Variants in DEPTOR observed in about 807,000 individuals in gnomAD.
DEPTOR encodes the protein DEP domain containing MTOR interacting protein.
In DEPTOR, 41 loss-of-function variants were observed where a neutral mutation model predicts 41.6. That is an observed-to-expected ratio of 0.98 (90% CI 0.77 to 1.28). The LOEUF is 1.28. DEPTOR is among the 50% of genes most tolerant of loss of function. DEPTOR has a pLI of 0.00. For synonymous variants in DEPTOR, 195 were observed against 192.3 expected (o/e 1.01, Z -0.12); for missense variants, 514 against 527.9 (o/e 0.97, Z 0.26).
intron 4 of DEPTOR, among the ~76,000 whole-genome samples, chr8:119,994,274 C>T (rs1218050362): frequency 6.6e-6 from 1 of 152,162 alleles, no homozygotes; most frequent in East Asian, 1.9e-4. Flanking sequence ...CAAAATCGCA[C>T]CACTCTGGAT....
intron 1 of DEPTOR, among the ~76,000 whole-genome samples, chr8:119,923,893 C>CTTTTCTTTTTTTTTTTTTTTTTTTTTTTT (rs1554673843): frequency 9.5e-6 from 1 of 104,980 alleles, no homozygotes; most frequent in African/African-American, 3.0e-5. Flanking sequence ...TTTTTTCTTT[C>CTTTTCTTTTTTTTTTTTTTTTTTTTTTTT]TTTTTTTTTT....
intron 1 of DEPTOR, among the ~76,000 whole-genome samples, chr8:119,880,312 C>T (rs1827283432): frequency 6.6e-6 from 1 of 152,090 alleles, no homozygotes; most frequent in Non-Finnish European, 1.5e-5. Flanking sequence ...TATGGTAATG[C>T]CTTTAATCTT....
At chr8:119,985,326 T>TC (rs1828815444) in intron 4 of DEPTOR, among the ~76,000 whole-genome samples, 1 of 152,204 alleles carries the variant, frequency 6.6e-6, no homozygotes, top group Non-Finnish European at 1.5e-5. Flanking sequence ...GCTTTTTTTT[T>TC]CATGTTTGTT....
chr8:119,980,160 C>CAAA (rs548586298), intron 4 of DEPTOR, among the ~76,000 whole-genome samples: 1,847 of 115,580 alleles, frequency 0.016, 33 homozygotes, highest in African/African-American at 0.055. Context: ...GTAGAAATAG[C>CAAA]AAAAAAAAAA....
chr8:120,015,173 G>A (rs1186638353), intron 8 of DEPTOR, among the ~76,000 whole-genome samples: 2 of 152,040 alleles, frequency 1.3e-5, no homozygotes, highest in African/African-American at 2.4e-5. Flanking sequence ...TTTATAATCC[G>A]GGCCCTGCTT....
At chr8:120,027,630 G>A (rs1000860071) in intron 8 of DEPTOR, among the ~76,000 whole-genome samples, 4 of 151,806 alleles carry the variant, frequency 2.6e-5, no homozygotes, top group African/African-American at 4.8e-5. Context: ...ACTGGAACCC[G>A]GGAGGTGGAG....
chr8:119,929,783 T>C (rs1018087340), intron 2 of DEPTOR, 32 bp from the exon 3 acceptor site: 1 of 1,564,720 alleles, frequency 6.4e-7, no homozygotes. Context: ...ATTTTTTTTC[T>C]CATTTGCTTC....
intron 1 of DEPTOR, among the ~76,000 whole-genome samples, chr8:119,877,889 G>A (rs2131330795): frequency 6.6e-6 from 1 of 152,218 alleles, no homozygotes; most frequent in Non-Finnish European, 1.5e-5. Flanking sequence ...CTCCAGATGT[G>A]AAATTGGGGG....
intron 4 of DEPTOR, among the ~76,000 whole-genome samples, chr8:119,998,847 A>G (rs1471553274): frequency 2.0e-5 from 3 of 151,986 alleles, no homozygotes; most frequent in Non-Finnish European, 2.9e-5. Context: ...TGGACTCTGG[A>G]ATCAGATACT....
At chr8:119,908,151 A>G (rs1347363499) in intron 1 of DEPTOR, among the ~76,000 whole-genome samples, 2 of 152,176 alleles carry the variant, frequency 1.3e-5, no homozygotes, top group African/African-American at 2.4e-5. Context: ...AGATTTGATG[A>G]GCTTCTGAGT....
Position 120,035,798 on chromosome 8 carries a change from C to A in DEPTOR, c.1102-13778C>A, listed in dbSNP as rs190164242. Among the ~76,000 whole-genome samples, 946 of 152,338 alleles carry A rather than the reference C, an allele frequency of 6.2e-3. 22 individuals are homozygous for A. Among genetic ancestry groups the A allele is most frequent in the Admixed American group, 0.034 (523 of 15,294 alleles). The stretch of plus-strand genomic sequence containing the variant: ...CCACCTGCCTCGGCCTCCCAAAGTG[C>A]TGGGATTACAGGCATGAGCCACTGG... On this transcript the variant is annotated intron_variant, in intron 8 of 8. Coordinates refer to ENST00000286234, the MANE Select transcript of DEPTOR (RefSeq NM_022783.4).
intron 1 of DEPTOR, among the ~76,000 whole-genome samples, chr8:119,902,216 G>A (rs1827603772): frequency 6.6e-6 from 1 of 152,102 alleles, no homozygotes; most frequent in Admixed American, 6.6e-5. Flanking sequence ...ACAAAGATGG[G>A]TATACAATAG....
intron 1 of DEPTOR, among the ~76,000 whole-genome samples, chr8:119,883,485 AAAAAAAAAAAAG>A (rs1319851503): frequency 1.0e-4 from 15 of 150,664 alleles, no homozygotes; most frequent in African/African-American, 3.5e-4. Flanking sequence ...AAAAAAAAAA[AAAAAAAAAAAAG>A]AAGGATATGC....
intron 1 of DEPTOR, among the ~76,000 whole-genome samples, chr8:119,920,375 G>A (rs899923132): frequency 2.6e-5 from 4 of 152,184 alleles, no homozygotes; most frequent in African/African-American, 2.4e-5. Context: ...AATACAGTGC[G>A]ATGAATGCTT....
chr8:119,958,501 G>A (rs1828447053), intron 3 of DEPTOR, among the ~76,000 whole-genome samples: 1 of 152,028 alleles, frequency 6.6e-6, no homozygotes, highest in South Asian at 2.1e-4. Context: ...GTTGCATAAC[G>A]TGGCCGGGCA....
intron 4 of DEPTOR, among the ~76,000 whole-genome samples, chr8:119,971,665 G>A (rs1828635635): frequency 6.6e-6 from 1 of 152,130 alleles, no homozygotes; most frequent in Admixed American, 6.6e-5. Context: ...CAGTGCTTTG[G>A]GGGACACAGA....
intron 1 of DEPTOR, among the ~76,000 whole-genome samples, chr8:119,909,109 A>C (rs561422611): frequency 5.6e-4 from 86 of 152,216 alleles, no homozygotes; most frequent in Admixed American, 1.1e-3. Context: ...TAGGATGGAA[A>C]GATATTGGAG....
chr8:119,889,667 A>AGGAGGGGGAGGGGAGGGGG (rs1308530207), intron 1 of DEPTOR, among the ~76,000 whole-genome samples: 1 of 13,508 alleles, frequency 7.4e-5, no homozygotes, highest in Non-Finnish European at 1.4e-4. Context: ...AGGGGAGGGG[A>AGGAGGGGGAGGGGAGGGGG]GGGGAGAGGA....
intron 1 of DEPTOR, among the ~76,000 whole-genome samples, chr8:119,882,055 T>C (rs1389406409): frequency 6.6e-6 from 1 of 152,126 alleles, no homozygotes; most frequent in Non-Finnish European, 1.5e-5. Context: ...CACGCCCGGC[T>C]AATTTTTTAA....
Sources: gnomAD v4.1 joint callset for allele counts (sites outside exome capture counted in the v4.1 genomes callset) on GRCh38, gnomAD v4.1.1 for gene constraint, MANE v1.5 for transcripts, NCBI Gene and HGNC (gene_info 2026-07-23, HGNC 2026-07-21) for gene names.